Variants in CFAP418 observed in about 807,000 individuals in gnomAD.
The protein encoded by CFAP418 is cilia- and flagella-associated protein 418.
In CFAP418, 27 loss-of-function variants were observed where a neutral mutation model predicts 24.7. The ratio of observed to expected loss-of-function variants is 1.09; its 90% CI spans 0.81 to 1.51. The LOEUF is 1.51. Among genes scored for constraint, CFAP418 ranks in the 40% most tolerant of loss-of-function variants. The probability of loss-of-function intolerance (pLI) is 0.00; values close to 1 mark genes in which losing one functional copy is unlikely to be tolerated. For synonymous variants in CFAP418, 74 were observed against 87.3 expected, an observed-to-expected ratio of 0.85 and a Z score of 0.85; for missense variants, 257 against 255.2, an observed-to-expected ratio of 1.01 and a Z score of -0.05.
intron 5 of CFAP418, 76 bp downstream of exon 5, chr8:95,252,112 C>T (rs1811718300): frequency 2.7e-6 from 3 of 1,130,906 alleles, no homozygotes; most frequent in Non-Finnish European, 3.9e-6. Flanking sequence ...CTGAATCCAC[C>T]CAGAGAGAAT....
At chr8:95,260,056 G>A in intron 3 of CFAP418, 151 bp from the exon 4 acceptor site, 1 of 616,020 alleles carries the variant, frequency 1.6e-6, no homozygotes, top group East Asian at 2.9e-5. Flanking sequence ...CCATTTCAAA[G>A]AAGAGATATT....
intron 3 of CFAP418, 51 bp downstream of exon 3, chr8:95,260,417 A>G: frequency 7.8e-7 from 1 of 1,280,054 alleles, no homozygotes. Flanking sequence ...GACTATGCTC[A>G]TAGTGTTTGC....
At chr8:95,260,077 T>C (rs1161982990) in intron 3 of CFAP418, among the ~76,000 whole-genome samples, 172 bp from the exon 4 acceptor site, 2 of 152,232 alleles carry the variant, frequency 1.3e-5, no homozygotes, top group Non-Finnish European at 2.9e-5. Context: ...TATTGTAGGA[T>C]CACTGCTTTA....
chr8:95,247,756 T>C lies in CFAP418; in HGVS notation c.485A>G (p.Glu162Gly), dbSNP rs1432832812. The C allele has an allele frequency of 6.2e-7, 1 of 1,611,708 alleles. No individual in the cohort carries two copies. Among genetic ancestry groups the C allele is most frequent in the Admixed American group, 1.7e-5 (1 of 59,838 alleles). Residue 162 changes from glutamate to glycine, a missense_variant, in exon 6 of 6, where the codon GAA becomes GGA. Transcript: ENST00000286688. ...DYLFFRNNMP[E>G]FHKLKAKLIK... Reference sequence around the variant, plus strand: ...CAACTTTGCTTTTAATTTGTGAAATTCTGGCATGTTGTTCCTATTAGTAAA... The same window carrying C: ...CAACTTTGCTTTTAATTTGTGAAATCCTGGCATGTTGTTCCTATTAGTAAA...
At chr8:95,267,274 G>C (rs1017896054) in intron 1 of CFAP418, among the ~76,000 whole-genome samples, 1 of 152,014 alleles carries the variant, frequency 6.6e-6, no homozygotes. Context: ...GAATTTTTTC[G>C]ATGCTTTTAT....
rs575688112 is a variant in CFAP418, at chr8:95,268,601, A to T, written c.155+434T>A. Among the ~76,000 whole-genome samples, 22 of 152,084 alleles carry T rather than the reference A, an allele frequency of 1.4e-4. 1 individual carries two copies. Among genetic ancestry groups the T allele is most frequent in the Non-Finnish European group, 2.5e-4 (17 of 68,008 alleles). On this transcript the variant is annotated intron_variant, in intron 1 of 5. Transcript: ENST00000286688. Reference sequence around the variant, plus strand: ...ACAGGGAGATGAGAACCGCTTGGCCACACAGAGGCAAAATGCGGCCGAGGT... The same window carrying T: ...ACAGGGAGATGAGAACCGCTTGGCCTCACAGAGGCAAAATGCGGCCGAGGT...
chr8:95,256,422 T>C (rs372561046), intron 4 of CFAP418, among the ~76,000 whole-genome samples: 3 of 152,240 alleles, frequency 2.0e-5, no homozygotes, highest in Non-Finnish European at 2.9e-5. Flanking sequence ...TTTTGCACCA[T>C]AGGCATAGTT....
At chr8:95,259,419 C>T (rs1587354774) in intron 4 of CFAP418, among the ~76,000 whole-genome samples, 1 of 152,130 alleles carries the variant, frequency 6.6e-6, no homozygotes, top group African/African-American at 2.4e-5. Flanking sequence ...AATATGTAAA[C>T]ATGTAAAATC....
At chr8:95,260,629 C>A (rs1379841568) in intron 2 of CFAP418, 97 bp from the exon 3 acceptor site, 6 of 655,154 alleles carry the variant, frequency 9.2e-6, no homozygotes, top group Non-Finnish European at 1.2e-5. Context: ...TTCTAAATGA[C>A]TTAAATACAA....
chr8:95,269,014 C>A (rs1339699155), intron 1 of CFAP418, 21 bp downstream of exon 1: 4 of 1,611,706 alleles, frequency 2.5e-6, no homozygotes, highest in African/African-American at 2.7e-5. Flanking sequence ...CAGAACAGTC[C>A]ACCCCTCCCG....
chr8:95,264,522 G>A (rs1357753066), intron 1 of CFAP418, among the ~76,000 whole-genome samples: 1 of 152,130 alleles, frequency 6.6e-6, no homozygotes, highest in Non-Finnish European at 1.5e-5. Flanking sequence ...TCTGTTCAAG[G>A]TCATATAAGT....
rs1334879135 is a variant in CFAP418 at position 95,259,781 on chromosome 8, T to C, written c.374+59A>G. On this transcript the variant is annotated intron_variant, in intron 4 of 5. Coordinates refer to ENST00000286688, the MANE Select transcript of CFAP418 (RefSeq NM_177965.4). The stretch of plus-strand genomic sequence containing the variant: ...GAAGATGATAACTACATTTTAACAA[T>C]GGGGCATCCATTTGGAAAAAACCTA... The C allele has an allele frequency of 2.3e-5, 27 of 1,194,792 alleles. No individual in the cohort carries two copies. In the Admixed American group the frequency reaches 3.2e-4, roughly 14 times the overall value. The allele number at this position is 1,194,792 out of a possible 1,614,324, so 74.0% of individuals were successfully genotyped here.
intron 1 of CFAP418, 29 bp from the exon 2 acceptor site, chr8:95,263,803 T>C (rs749037313): frequency 7.4e-7 from 1 of 1,350,972 alleles, no homozygotes; most frequent in African/African-American, 1.4e-5. Context: ...CAAAGAAAAC[T>C]TACCTGAGGT....
At chr8:95,251,245 A>G (rs997708783) in intron 5 of CFAP418, among the ~76,000 whole-genome samples, 11 of 152,228 alleles carry the variant, frequency 7.2e-5, no homozygotes, top group African/African-American at 1.9e-4. Context: ...CAGGAAGGGA[A>G]GAGTTTTCTT....
Position 95,257,405 on chromosome 8 carries a change from T to C in CFAP418, c.374+2435A>G, listed in dbSNP as rs530059149. Among the ~76,000 whole-genome samples the C allele has an allele frequency of 1.2e-4, 19 of 152,350 alleles. No individual in the cohort carries two copies. In the East Asian group the frequency reaches 3.1e-3, roughly 25 times the overall value. ...CTGTTGGCTGCCTGGTGTTCCCATA[T>C]AAGGCTTCTCCAGACTCCTAATTTC... On this transcript the variant is annotated intron_variant, in intron 4 of 5. Transcript: ENST00000286688.
At chr8:95,253,241 C>T (rs909197903) in intron 4 of CFAP418, among the ~76,000 whole-genome samples, 22 of 151,714 alleles carry the variant, frequency 1.5e-4, no homozygotes, top group African/African-American at 4.6e-4. Context: ...ACCCGGGAGG[C>T]GGAGATTGCA....
At chr8:95,268,893 A>T in intron 1 of CFAP418, 142 bp downstream of exon 1, 1 of 832,308 alleles carries the variant, frequency 1.2e-6, no homozygotes, top group South Asian at 1.7e-5. Flanking sequence ...CGCGGAGGGT[A>T]GGGCGCTGAG....
chr8:95,268,188 T>C (rs952255162), intron 1 of CFAP418, among the ~76,000 whole-genome samples: 1 of 152,164 alleles, frequency 6.6e-6, no homozygotes, highest in Non-Finnish European at 1.5e-5. Flanking sequence ...GGCTCGCAAC[T>C]GTAATCCTAG....
intron 1 of CFAP418, among the ~76,000 whole-genome samples, chr8:95,265,669 T>A (rs1285898739): frequency 6.6e-6 from 1 of 152,198 alleles, no homozygotes; most frequent in Non-Finnish European, 1.5e-5. Context: ...ATCAGATACA[T>A]CCAAACTCCA....
Sources: allele counts gnomAD v4.1 joint callset (sites outside exome capture counted in the v4.1 genomes callset), GRCh38; gene constraint gnomAD v4.1.1; transcripts MANE v1.5; gene names NCBI Gene and HGNC (gene_info 2026-07-23, HGNC 2026-07-21).